SEZ6L: variants seen among roughly 807,000 people sequenced by gnomAD.
The protein encoded by SEZ6L is seizure related 6 homolog like, also known as seizure 6-like protein.
Under a neutral mutation model 106.2 loss-of-function variants are expected in SEZ6L, and 37 were observed. That is an observed-to-expected ratio of 0.35 (90% confidence interval 0.27 to 0.46). The LOEUF (loss-of-function observed/expected upper bound fraction) is 0.46, where lower values mean the gene tolerates loss of function less well. SEZ6L is among the 20% of genes least tolerant of loss of function. The pLI, the probability that SEZ6L is intolerant of heterozygous loss-of-function variation, is 1.00. For missense variants in SEZ6L, 1,172 were observed against 1,332.8 expected, an observed-to-expected ratio of 0.88 and a Z score of 1.88; for synonymous variants, 541 against 570.4, an observed-to-expected ratio of 0.95 and a Z score of 0.73.
chr22:26,201,382 C>CAAAAAAAAA (rs71192905), intron 1 of SEZ6L, among the ~76,000 whole-genome samples: 713 of 73,472 alleles, frequency 9.7e-3, no homozygotes, highest in Middle Eastern at 0.025. Flanking sequence ...TACAAAAATA[C>CAAAAAAAAA]AAAAAAAAAA....
At chr22:26,294,009 T>G (rs2081219872) in intron 2 of SEZ6L, among the ~76,000 whole-genome samples, 1 of 152,192 alleles carries the variant, frequency 6.6e-6, no homozygotes, top group Non-Finnish European at 1.5e-5. Flanking sequence ...TACTTCCCTC[T>G]AAACTGGGGA....
intron 5 of SEZ6L, among the ~76,000 whole-genome samples, chr22:26,300,929 C>T (rs2081434139): frequency 6.6e-6 from 1 of 152,250 alleles, no homozygotes; most frequent in South Asian, 2.1e-4. Context: ...TTTTCACTTA[C>T]TGACAGTGTT....
At chr22:26,327,071 C>T (rs958589827) in intron 9 of SEZ6L, among the ~76,000 whole-genome samples, 4 of 152,116 alleles carry the variant, frequency 2.6e-5, no homozygotes, top group African/African-American at 4.8e-5. Context: ...ACGATGCGGA[C>T]GCAGAATGGC....
At chr22:26,193,739 G>T (rs1940400963) in intron 1 of SEZ6L, among the ~76,000 whole-genome samples, 1 of 152,034 alleles carries the variant, frequency 6.6e-6, no homozygotes, top group African/African-American at 2.4e-5. Context: ...GACTTCCCAT[G>T]GCATTCAATT....
chr22:26,221,491 C>T (rs564383338), intron 1 of SEZ6L, among the ~76,000 whole-genome samples: 2 of 152,178 alleles, frequency 1.3e-5, no homozygotes, highest in South Asian at 2.1e-4. Flanking sequence ...TCCATTGCCC[C>T]AAATATGAAA....
chr22:26,235,693 A>G (rs1189605912), intron 1 of SEZ6L, among the ~76,000 whole-genome samples: 3 of 152,206 alleles, frequency 2.0e-5, no homozygotes, highest in African/African-American at 4.8e-5. Flanking sequence ...AATGACAAGC[A>G]AAAGGCTTAG....
chr22:26,280,257 C>T (rs553343616), intron 1 of SEZ6L, among the ~76,000 whole-genome samples: 41 of 125,710 alleles, frequency 3.3e-4, no homozygotes, highest in Non-Finnish European at 6.1e-4. Context: ...TAAATACATA[C>T]GTACATTTAT....
chr22:26,239,155 C>G (rs1389515645), intron 1 of SEZ6L, among the ~76,000 whole-genome samples: 1 of 152,172 alleles, frequency 6.6e-6, no homozygotes, highest in Non-Finnish European at 1.5e-5. Flanking sequence ...ATCCAGGAAT[C>G]TGATGATGCA....
chr22:26,336,184 T>C (rs1407477038), intron 9 of SEZ6L, among the ~76,000 whole-genome samples: 4 of 151,992 alleles, frequency 2.6e-5, no homozygotes. Flanking sequence ...ATTTCTCTGA[T>C]GCCATGTGGT....
intron 11 of SEZ6L, among the ~76,000 whole-genome samples, chr22:26,349,673 A>T (rs5761491): frequency 0.17 from 26,328 of 152,144 alleles, 2,473 homozygotes; most frequent in South Asian, 0.33. Flanking sequence ...GCTAATTTTT[A>T]AAAATTTTTT....
At chr22:26,179,249 G>A (rs531448434) in intron 1 of SEZ6L, among the ~76,000 whole-genome samples, 1 of 152,230 alleles carries the variant, frequency 6.6e-6, no homozygotes, top group East Asian at 1.9e-4. Flanking sequence ...AATTAGCCAG[G>A]TGTGGTGGCA....
intron 16 of SEZ6L, among the ~76,000 whole-genome samples, chr22:26,379,365 T>G (rs2084338463): frequency 6.6e-6 from 1 of 152,216 alleles, no homozygotes; most frequent in African/African-American, 2.4e-5. Flanking sequence ...GTCACAGGCT[T>G]TACCCACCCT....
At chr22:26,204,575 G>C (rs1941182931) in intron 1 of SEZ6L, among the ~76,000 whole-genome samples, 1 of 152,250 alleles carries the variant, frequency 6.6e-6, no homozygotes, top group South Asian at 2.1e-4. Context: ...TCTGATGCCA[G>C]AGCCTTTGTT....
At chr22:26,212,705 G>T (rs943412766) in intron 1 of SEZ6L, among the ~76,000 whole-genome samples, 4 of 152,188 alleles carry the variant, frequency 2.6e-5, no homozygotes, top group Admixed American at 2.6e-4. Context: ...TTACAGGTGT[G>T]AGCCACCACG....
At chr22:26,350,858 A>G (rs1343610528) in intron 11 of SEZ6L, among the ~76,000 whole-genome samples, 194 bp from the exon 12 acceptor site, 2 of 151,874 alleles carry the variant, frequency 1.3e-5, no homozygotes, top group African/African-American at 2.4e-5. Context: ...GGGTTTCACC[A>G]TGTTAGCCAG....
chr22:26,202,708 AG>A (rs2145682175), intron 1 of SEZ6L, among the ~76,000 whole-genome samples: 1 of 152,304 alleles, frequency 6.6e-6, no homozygotes, highest in South Asian at 2.1e-4. Context: ...TGTGGGTGGA[AG>A]GGCAGGTCTG....
chr22:26,365,813 G>T (rs1176009873), intron 13 of SEZ6L, among the ~76,000 whole-genome samples: 2 of 151,992 alleles, frequency 1.3e-5, no homozygotes, highest in Non-Finnish European at 2.9e-5. Flanking sequence ...GGTCAAGGTT[G>T]CAGTGAGCCT....
chr22:26,180,263 C>A (rs558652527), intron 1 of SEZ6L, among the ~76,000 whole-genome samples: 3 of 152,284 alleles, frequency 2.0e-5, no homozygotes, highest in Admixed American at 2.0e-4. Flanking sequence ...GCTCTGCAAC[C>A]CTTTTGCCAG....
intron 1 of SEZ6L, among the ~76,000 whole-genome samples, chr22:26,246,358 T>A (rs2079344313): frequency 6.6e-6 from 1 of 152,160 alleles, no homozygotes; most frequent in South Asian, 2.1e-4. Flanking sequence ...GTATTTGGCA[T>A]GTAATAGACA....
Sources: gnomAD v4.1 joint callset for allele counts (sites outside exome capture counted in the v4.1 genomes callset) on GRCh38, gnomAD v4.1.1 for gene constraint, MANE v1.5 for transcripts, NCBI Gene and HGNC (gene_info 2026-07-23, HGNC 2026-07-21) for gene names.